The following TMEM243 variants were observed in gnomAD, a reference collection of about 807,000 sequenced individuals.
TMEM243 encodes the protein MDR1 and mitochondrial taxol resistance associated.
In TMEM243, 20 loss-of-function variants were observed where a neutral mutation model predicts 15.0. The observed-to-expected ratio is 1.33, with a 90% CI of 0.94 to 1.93. The LOEUF (loss-of-function observed/expected upper bound fraction) is 1.93. Among genes scored for constraint, TMEM243 ranks in the 30% most tolerant of loss-of-function variants. The pLI is 0.00. For missense variants in TMEM243, 156 were observed against 142.1 expected, an observed-to-expected ratio of 1.10 and a Z score of -0.50; for synonymous variants, 72 against 52.7, an observed-to-expected ratio of 1.37 and a Z score of -1.59.
chr7:87,197,750 T>G, intron 3 of TMEM243, 191 bp downstream of exon 3: 1 of 1,298,714 alleles, frequency 7.7e-7, no homozygotes, highest in Non-Finnish European at 9.9e-7. Flanking sequence ...CTCTTTGGGG[T>G]TACAACTTTG....
At chr7:87,203,353 C>T (rs1427221089) in intron 1 of TMEM243, among the ~76,000 whole-genome samples, 1 of 152,182 alleles carries the variant, frequency 6.6e-6, no homozygotes, top group Non-Finnish European at 1.5e-5. Flanking sequence ...TGGCTCACAC[C>T]TGTAATCCCA....
intron 1 of TMEM243, among the ~76,000 whole-genome samples, chr7:87,203,607 TAAAA>T (rs201660147): frequency 1.5e-5 from 2 of 137,136 alleles, no homozygotes; most frequent in East Asian, 2.1e-4. Flanking sequence ...ATGAGAATCT[TAAAA>T]AAAAAAAAAA....
intron 1 of TMEM243, chr7:87,203,081 C>CCCTCAGCT (rs1409934775): frequency 5.2e-5 from 8 of 152,484 alleles, no homozygotes; most frequent in African/African-American, 1.9e-4. Context: ...GCTAGCTCTG[C>CCCTCAGCT]CCTCAGCTCC....
upstream of TMEM243, chr7:87,220,575 A>G (rs919550712): frequency 2.0e-5 from 3 of 152,274 alleles, no homozygotes; most frequent in African/African-American, 7.2e-5. Flanking sequence ...CTCCGTCGCA[A>G]GTCGGCCCGC....
At chr7:87,219,378 C>T (rs1454706636) in intron 1 of TMEM243, 48 bp downstream of exon 1, 2 of 1,580,650 alleles carry the variant, frequency 1.3e-6, no homozygotes, top group Non-Finnish European at 1.7e-6. Context: ...AGAGGGCAGG[C>T]AGCAGACACA....
intron 1 of TMEM243, among the ~76,000 whole-genome samples, chr7:87,203,975 A>T (rs1802015883): frequency 6.6e-6 from 1 of 152,260 alleles, no homozygotes; most frequent in Non-Finnish European, 1.5e-5. Flanking sequence ...CTGCTGATAA[A>T]GACATACCCA....
chr7:87,209,948 CAGAG>C (rs1204579588), intron 1 of TMEM243, among the ~76,000 whole-genome samples: 2 of 101,406 alleles, frequency 2.0e-5, no homozygotes, highest in African/African-American at 4.0e-5. Flanking sequence ...AGGAGGGGGA[CAGAG>C]AGACAGAGGA....
At chr7:87,200,915 C>T (rs2129223024) in intron 1 of TMEM243, among the ~76,000 whole-genome samples, 1 of 152,312 alleles carries the variant, frequency 6.6e-6, no homozygotes, top group East Asian at 1.9e-4. Context: ...CAAAGTACTA[C>T]ACTGTGCTTA....
At chr7:87,215,624 A>G (rs2129239259) in intron 1 of TMEM243, among the ~76,000 whole-genome samples, 1 of 152,266 alleles carries the variant, frequency 6.6e-6, no homozygotes, top group African/African-American at 2.4e-5. Flanking sequence ...TGGAAACTTC[A>G]GATATTTCTT....
rs1469880143 is a variant in TMEM243, at chr7:87,199,924, G to C, written c.79-867C>G. ...GCAGTCTTATTTCTGAGAAGTCAAA[G>C]CTGAGTCTTTAACGAATCAGTCGTC... On this transcript the variant is annotated intron_variant, in intron 1 of 3. Coordinates refer to ENST00000257637, the MANE Select transcript of TMEM243 (RefSeq NM_024315.4). Among the ~76,000 whole-genome samples, 3 of 152,262 alleles carry C rather than the reference G, an allele frequency of 2.0e-5. No individual in the cohort carries two copies. The East Asian group carries it at 5.8e-4, about 29-fold the overall frequency.
rs1201297297 is a variant in TMEM243 at position 87,196,729 on chromosome 7, T to G, written c.264A>C (p.Glu88Asp). The G allele has an allele frequency of 1.2e-6, 2 of 1,601,176 alleles. No homozygotes were observed. Among genetic ancestry groups the G allele is most frequent in the Non-Finnish European group, 1.7e-6 (2 of 1,171,022 alleles). The change falls in exon 4 of 4, where the codon GAA becomes GAC. Residue 88 changes from glutamate to aspartate, a missense_variant. Transcript: ENST00000257637. The stretch of plus-strand genomic sequence containing the variant: ...AGTAAATTAGCTTTCTAAATTTCGG[T>G]TCTAAGTCTCCTTGTCGATACCAGT... Reference protein sequence around the residue: ...LIYWYRQGDLEPKFRKLIYYI... With the variant: ...LIYWYRQGDLDPKFRKLIYYI...
rs1562875424 is a variant in TMEM243, at chr7:87,197,936, C to T, written c.234+5G>A. The T allele has an allele frequency of 1.2e-6, 2 of 1,612,950 alleles. No homozygotes were observed. The highest frequency in any genetic ancestry group is 3.3e-5 in the Admixed American group (2 of 59,918). On this transcript the variant is annotated splice_donor_5th_base_variant and intron_variant, in intron 3 of 3. Transcript: ENST00000257637. ...AACACTGTTTAAATTCTCAACAGTA[C>T]TTACAAGTATGCAGGCAGTAATACT...
intron 3 of TMEM243, 150 bp downstream of exon 3, chr7:87,197,791 T>A: frequency 6.6e-7 from 1 of 1,516,300 alleles, no homozygotes; most frequent in Non-Finnish European, 8.8e-7. Flanking sequence ...AGACTCAGAT[T>A]TTATTGAGAA....
At chr7:87,197,865 A>C in intron 3 of TMEM243, 76 bp downstream of exon 3, 1 of 1,606,154 alleles carries the variant, frequency 6.2e-7, no homozygotes, top group Non-Finnish European at 8.5e-7. Context: ...GTATAGACCC[A>C]AGGCTGAAAA....
chr7:87,203,836 T>A (rs1802003591), intron 1 of TMEM243, among the ~76,000 whole-genome samples: 1 of 152,060 alleles, frequency 6.6e-6, no homozygotes, highest in South Asian at 2.1e-4. Context: ...TCATACACAA[T>A]CATTTCTTAT....
At chr7:87,206,804 T>A (rs1382115194) in intron 1 of TMEM243, among the ~76,000 whole-genome samples, 1 of 152,240 alleles carries the variant, frequency 6.6e-6, no homozygotes, top group African/African-American at 2.4e-5. Flanking sequence ...CTTGACAGTG[T>A]GGCACACTGT....
chr7:87,198,075 A>T (rs930493623), intron 2 of TMEM243, 30 bp from the exon 3 acceptor site: 7 of 1,578,668 alleles, frequency 4.4e-6, no homozygotes, highest in Non-Finnish European at 6.1e-6. Context: ...GTAAGGCCTT[A>T]ACAGTAATTC....
rs755342275 is a variant in TMEM243, at chr7:87,201,287, A to T, written c.79-2230T>A. Among the ~76,000 whole-genome samples the T allele has an allele frequency of 2.7e-4, 41 of 152,190 alleles. 1 individual carries two copies. The highest frequency in any genetic ancestry group is 3.1e-4 in the Non-Finnish European group (21 of 68,030). On this transcript the variant is annotated intron_variant, in intron 1 of 3. Coordinates refer to ENST00000257637, the MANE Select transcript of TMEM243 (RefSeq NM_024315.4). The stretch of plus-strand genomic sequence containing the variant: ...TAATGCTCTCTGTTTTAAACTTGCT[A>T]CTCAAAGTGTAGTCTATGAACCAGC...
At chr7:87,207,288 A>G (rs1380903147) in intron 1 of TMEM243, among the ~76,000 whole-genome samples, 1 of 152,202 alleles carries the variant, frequency 6.6e-6, no homozygotes, top group Non-Finnish European at 1.5e-5. Flanking sequence ...AAAACAGAGA[A>G]AAGTCTTTGC....
Sources: allele counts gnomAD v4.1 joint callset (sites outside exome capture counted in the v4.1 genomes callset), GRCh38; gene constraint gnomAD v4.1.1; transcripts MANE v1.5; gene names NCBI Gene and HGNC (gene_info 2026-07-23, HGNC 2026-07-21).